The following EFNA5 variants were observed in gnomAD, a reference collection of about 807,000 sequenced individuals.
The protein encoded by EFNA5 is ephrin A5.
In EFNA5, 5 loss-of-function variants were observed where a neutral mutation model predicts 22.9. That is an observed-to-expected ratio of 0.22 (90% confidence interval 0.11 to 0.46). The LOEUF (loss-of-function observed/expected upper bound fraction) is 0.46, where lower values mean the gene tolerates loss of function less well. Among genes scored for constraint, EFNA5 ranks in the 20% least tolerant of loss-of-function variants. EFNA5 has a pLI of 0.99. For missense variants in EFNA5, 237 were observed against 293.3 expected, an observed-to-expected ratio of 0.81 and a Z score of 1.40; for synonymous variants, 113 against 112.2, an observed-to-expected ratio of 1.01 and a Z score of -0.04.
chr5:107,511,100 C>T (rs1443695083), intron 1 of EFNA5, among the ~76,000 whole-genome samples: 1 of 151,476 alleles, frequency 6.6e-6, no homozygotes, highest in Non-Finnish European at 1.5e-5. Context: ...GATCTTGGCT[C>T]ACTGCAACCT....
At chr5:107,588,540 A>C (rs1749243535) in intron 1 of EFNA5, among the ~76,000 whole-genome samples, 1 of 152,244 alleles carries the variant, frequency 6.6e-6, no homozygotes, top group South Asian at 2.1e-4. Flanking sequence ...GAGATTATTA[A>C]AAACTATATA....
Position 107,379,443 on chromosome 5 carries a change from T to G in EFNA5, c.*1812A>C, listed in dbSNP as rs1358538872. ...TCTTAAAAAACAAATATATAAAAAA[T>G]TCTTATTTTGCTGGAATGCTTTCAA... On this transcript the variant is annotated 3_prime_UTR_variant, in exon 5 of 5. Coordinates refer to ENST00000333274, the MANE Select transcript of EFNA5 (RefSeq NM_001962.3). 6.6e-6 allele frequency: 1 copy of G among 151,838 alleles called. No homozygotes were observed. The highest frequency in any genetic ancestry group is 2.4e-5 in the African/African-American group (1 of 41,310). The allele number at this position is 151,838 out of a possible 1,614,324, so 9.4% of individuals were successfully genotyped here.
At chr5:107,558,909 G>T (rs1174723051) in intron 1 of EFNA5, among the ~76,000 whole-genome samples, 1 of 152,218 alleles carries the variant, frequency 6.6e-6, no homozygotes, top group Non-Finnish European at 1.5e-5. Flanking sequence ...ACAAAAGAAA[G>T]TTGGTTTACA....
At chr5:107,631,775 T>A (rs949132408) in intron 1 of EFNA5, among the ~76,000 whole-genome samples, 1 of 152,248 alleles carries the variant, frequency 6.6e-6, no homozygotes, top group African/African-American at 2.4e-5. Context: ...GAAATAAAGT[T>A]ATCAGAATAG....
rs182331826 is a variant in EFNA5 at position 107,404,013 on chromosome 5, T to C, written c.419-16242A>G. On this transcript the variant is annotated intron_variant, in intron 2 of 4. Transcript: ENST00000333274. The stretch of plus-strand genomic sequence containing the variant: ...TCAATCTTAAAATAGCCCAGAATCA[T>C]ATAGCTTATTTCAGATGGTGGATTA... Among the ~76,000 whole-genome samples the C allele has an allele frequency of 2.7e-3, 416 of 152,364 alleles. 3 individuals are homozygous for C. The highest frequency in any genetic ancestry group is 0.01 in the Middle Eastern group (3 of 294).
At chr5:107,551,249 C>T (rs1044736674) in intron 1 of EFNA5, among the ~76,000 whole-genome samples, 1 of 152,142 alleles carries the variant, frequency 6.6e-6, no homozygotes, top group Non-Finnish European at 1.5e-5. Context: ...GGCCAACTGG[C>T]ATTAGAATCC....
chr5:107,518,796 C>T (rs1747535143), intron 1 of EFNA5, among the ~76,000 whole-genome samples: 1 of 152,174 alleles, frequency 6.6e-6, no homozygotes, highest in Non-Finnish European at 1.5e-5. Context: ...AAGGCAAAAA[C>T]CACAGCTTTG....
chr5:107,559,167 C>G (rs1405894536), intron 1 of EFNA5, among the ~76,000 whole-genome samples: 1 of 152,172 alleles, frequency 6.6e-6, no homozygotes, highest in Non-Finnish European at 1.5e-5. Flanking sequence ...TTTCCTTCCC[C>G]CTACCCTGGC....
At chr5:107,474,210 T>TA (rs1381455248) in intron 1 of EFNA5, among the ~76,000 whole-genome samples, 1 of 152,166 alleles carries the variant, frequency 6.6e-6, no homozygotes, top group Non-Finnish European at 1.5e-5. Flanking sequence ...ACATTCTTCT[T>TA]ACACAGAAAT....
chr5:107,403,209 A>G (rs1379695688), intron 2 of EFNA5, among the ~76,000 whole-genome samples: 2 of 152,194 alleles, frequency 1.3e-5, no homozygotes, highest in African/African-American at 4.8e-5. Flanking sequence ...AGAGTTAGAC[A>G]CGATTTCCAC....
At chr5:107,518,824 A>AACTTTATC (rs1236851674) in intron 1 of EFNA5, among the ~76,000 whole-genome samples, 1 of 152,124 alleles carries the variant, frequency 6.6e-6, no homozygotes, top group Non-Finnish European at 1.5e-5. Flanking sequence ...AAGCCACCTG[A>AACTTTATC]ACTTTATCTT....
chr5:107,643,871 TTAATAA>T (rs148571029), intron 1 of EFNA5, among the ~76,000 whole-genome samples: 40,848 of 146,126 alleles, frequency 0.28, 6,201 homozygotes, highest in Non-Finnish European at 0.34. Flanking sequence ...TCTATTTTCT[TTAATAA>T]TAATAATAAT....
At chr5:107,669,964 C>T (rs77199804) in intron 1 of EFNA5, among the ~76,000 whole-genome samples, 1 of 151,496 alleles carries the variant, frequency 6.6e-6, no homozygotes, top group African/African-American at 2.4e-5. Flanking sequence ...TCCCAGCCCC[C>T]CTCACTTCCC....
chr5:107,560,677 A>C (rs918293292), intron 1 of EFNA5, among the ~76,000 whole-genome samples: 8 of 152,170 alleles, frequency 5.3e-5, no homozygotes, highest in African/African-American at 1.9e-4. Context: ...TGGTTATCAG[A>C]TTCTTTATCT....
intron 1 of EFNA5, among the ~76,000 whole-genome samples, chr5:107,523,519 C>A (rs1039178576): frequency 3.3e-5 from 5 of 152,182 alleles, no homozygotes; most frequent in Non-Finnish European, 7.3e-5. Context: ...GATGAATCAG[C>A]CATGAGTGTG....
At chr5:107,668,656 T>C (rs557043344) in intron 1 of EFNA5, among the ~76,000 whole-genome samples, 14 of 152,132 alleles carry the variant, frequency 9.2e-5, no homozygotes, top group African/African-American at 3.1e-4. Context: ...AAAGAAACTA[T>C]TTCAGTGTTG....
chr5:107,624,798 C>A (rs1333482724), intron 1 of EFNA5, among the ~76,000 whole-genome samples: 1 of 152,068 alleles, frequency 6.6e-6, no homozygotes, highest in African/African-American at 2.4e-5. Flanking sequence ...AAATTTGTGT[C>A]TAGTATATGT....
intron 1 of EFNA5, among the ~76,000 whole-genome samples, chr5:107,621,574 A>G (rs1249715257): frequency 1.3e-5 from 2 of 152,228 alleles, no homozygotes; most frequent in African/African-American, 4.8e-5. Context: ...AGACAGGCAA[A>G]TCCTGAATCC....
intron 1 of EFNA5, among the ~76,000 whole-genome samples, chr5:107,458,956 T>A (rs1749766371): frequency 6.6e-6 from 1 of 152,174 alleles, no homozygotes; most frequent in Non-Finnish European, 1.5e-5. Flanking sequence ...TATAAAGGAT[T>A]TCTAGGCACA....
Sources: allele counts gnomAD v4.1 joint callset (sites outside exome capture counted in the v4.1 genomes callset), GRCh38; gene constraint gnomAD v4.1.1; transcripts MANE v1.5; gene names NCBI Gene and HGNC (gene_info 2026-07-23, HGNC 2026-07-21).